CCDC178: variants seen among roughly 807,000 people sequenced by gnomAD.
CCDC178 encodes the protein coiled-coil domain-containing protein 178.
Under a neutral mutation model 117.4 loss-of-function variants are expected in CCDC178, and 126 were observed. The observed-to-expected ratio is 1.07, with a 90% CI of 0.93 to 1.24. The LOEUF is 1.24. Among genes scored for constraint, CCDC178 ranks in the 50% most tolerant of loss-of-function variants. The pLI is 0.00. For synonymous variants in CCDC178, 283 were observed against 313.4 expected (o/e 0.90, Z 1.02); for missense variants, 1,030 against 986.9 (o/e 1.04, Z -0.59).
At chr18:32,968,172 T>C (rs906930052) in intron 22 of CCDC178, among the ~76,000 whole-genome samples, 6 of 151,952 alleles carry the variant, frequency 3.9e-5, no homozygotes, top group African/African-American at 1.4e-4. Context: ...CATTCTCTGA[T>C]AATCACTGTT....
Position 33,389,591 on chromosome 18 carries a change from A to G in CCDC178, c.157T>C (p.Ser53Pro). 1 of 1,530,626 alleles carries G rather than the reference A, an allele frequency of 6.5e-7. No individual in the cohort carries two copies. Among genetic ancestry groups the G allele is most frequent in the Non-Finnish European group, 8.8e-7 (1 of 1,141,312 alleles). The allele number at this position is 1,530,626 out of a possible 1,614,324, so 94.8% of individuals were successfully genotyped here. The change falls in exon 5 of 23, where the codon TCT becomes CCT. Residue 53 changes from serine (S) to proline (P), a missense_variant. Transcript: ENST00000383096. ...MSQSLVLYGA[S>P]KENSEGFHES... ...TGAAAACCTTCACTGTTCTCCTTAG[A>G]GGCTCCATATAGAACCAAACTTTGA...
chr18:32,940,389 C>T (rs1005081107), intron 22 of CCDC178, among the ~76,000 whole-genome samples: 5 of 151,860 alleles, frequency 3.3e-5, no homozygotes, highest in Admixed American at 6.6e-5. Context: ...TATTAGATCT[C>T]ATAATATAAT....
At chr18:33,013,671 T>C (rs893366685) in intron 21 of CCDC178, among the ~76,000 whole-genome samples, 37 of 152,158 alleles carry the variant, frequency 2.4e-4, no homozygotes, top group African/African-American at 8.0e-4. Context: ...GGAAATAGAG[T>C]ATGAGCTTTG....
rs2057695170 is a variant in CCDC178 at position 33,105,619 on chromosome 18, A to G, written c.2239-12709T>C. Among the ~76,000 whole-genome samples, 3 of 151,818 alleles carry G rather than the reference A, an allele frequency of 2.0e-5. 1 individual carries two copies. In the South Asian group the frequency reaches 6.2e-4, roughly 31 times the overall value. On this transcript the variant is annotated intron_variant, in intron 20 of 22. Transcript: ENST00000383096. ...TGTGTGTGTTTTTATTCAGTGGAGA[A>G]ACATTTCACAATTCATTTTTACAAC...
chr18:33,234,713 T>C (rs1158579472), intron 15 of CCDC178, among the ~76,000 whole-genome samples: 1 of 152,102 alleles, frequency 6.6e-6, no homozygotes, highest in African/African-American at 2.4e-5. Context: ...CAAGAAGCAA[T>C]GGTCAATCTT....
chr18:33,346,621 T>G (rs993931825), intron 8 of CCDC178, among the ~76,000 whole-genome samples: 2 of 152,074 alleles, frequency 1.3e-5, no homozygotes, highest in African/African-American at 2.4e-5. Context: ...AAACATTTTA[T>G]AAAATAATTA....
At chr18:33,303,153 A>G (rs958063844) in intron 11 of CCDC178, among the ~76,000 whole-genome samples, 8 of 152,274 alleles carry the variant, frequency 5.3e-5, no homozygotes, top group African/African-American at 1.9e-4. Context: ...GTCAATCTTT[A>G]AAGTTTAAAA....
intron 20 of CCDC178, among the ~76,000 whole-genome samples, chr18:33,208,986 A>G (rs1018444782): frequency 2.0e-5 from 3 of 152,046 alleles, no homozygotes; most frequent in African/African-American, 7.2e-5. Flanking sequence ...GAAAGAACAC[A>G]CAGAGAAAGG....
chr18:33,248,889 T>C (rs974886349), intron 14 of CCDC178, among the ~76,000 whole-genome samples: 2 of 152,032 alleles, frequency 1.3e-5, no homozygotes, highest in Admixed American at 1.3e-4. Flanking sequence ...ACCAACAGTG[T>C]AAAAGTGTTC....
At position 33,121,240 on chromosome 18, in the gene CCDC178, A is replaced by C. The variant is rs111884908; in HGVS notation, c.2239-28330T>G. ...GAAACAGGGCTGAGGCTTAACAGAA[A>C]TGGGTAGCGTCAAAGGGCAAAGAGA... On this transcript the variant is annotated intron_variant, in intron 20 of 22. Transcript: ENST00000383096. Among the ~76,000 whole-genome samples the C allele has an allele frequency of 3.7e-3, 568 of 152,280 alleles. 3 individuals carry two copies. Among genetic ancestry groups the C allele is most frequent in the Non-Finnish European group, 6.4e-3 (432 of 68,018 alleles).
intron 20 of CCDC178, among the ~76,000 whole-genome samples, chr18:33,095,322 TA>T (rs1178438140): frequency 6.6e-6 from 1 of 152,024 alleles, no homozygotes; most frequent in Non-Finnish European, 1.5e-5. Flanking sequence ...GAATGTTTGT[TA>T]ATAGTTTCCA....
At chr18:33,347,012 C>T (rs1003064767) in intron 8 of CCDC178, among the ~76,000 whole-genome samples, 4 of 152,018 alleles carry the variant, frequency 2.6e-5, no homozygotes, top group Non-Finnish European at 5.9e-5. Flanking sequence ...TTAATGTTAA[C>T]AAAATTATTA....
intron 5 of CCDC178, among the ~76,000 whole-genome samples, chr18:33,378,323 C>A (rs1164918597): frequency 3.3e-5 from 5 of 152,106 alleles, no homozygotes; most frequent in African/African-American, 1.2e-4. Flanking sequence ...CTTATGAGTT[C>A]TAGAAGCCTT....
chr18:33,078,376 C>T (rs1248783615), intron 21 of CCDC178, among the ~76,000 whole-genome samples: 1 of 152,144 alleles, frequency 6.6e-6, no homozygotes, highest in South Asian at 2.1e-4. Flanking sequence ...CAGCACAAGA[C>T]AAGAGTGCTC....
intron 2 of CCDC178, among the ~76,000 whole-genome samples, chr18:33,419,906 C>T (rs2064000486): frequency 2.0e-5 from 3 of 151,510 alleles, no homozygotes; most frequent in Admixed American, 1.3e-4. Flanking sequence ...AGCAATCTTT[C>T]TTTCCTTCTT....
At chr18:32,972,630 G>A (rs1013433232) in intron 22 of CCDC178, among the ~76,000 whole-genome samples, 2 of 152,024 alleles carry the variant, frequency 1.3e-5, no homozygotes, top group Non-Finnish European at 1.5e-5. Context: ...ACAGGGAAGA[G>A]TATAAACACA....
chr18:33,222,932 A>C (rs1206524126), intron 18 of CCDC178, among the ~76,000 whole-genome samples, 174 bp downstream of exon 18: 3 of 152,086 alleles, frequency 2.0e-5, no homozygotes, highest in African/African-American at 7.2e-5. Flanking sequence ...AGAGAAAGTA[A>C]ATGAAAACAC....
At chr18:33,160,607 A>C (rs1005560947) in intron 20 of CCDC178, among the ~76,000 whole-genome samples, 1 of 152,104 alleles carries the variant, frequency 6.6e-6, no homozygotes, top group Non-Finnish European at 1.5e-5. Context: ...TCCATCAAGA[A>C]AGCAGGGTGC....
chr18:33,255,692 A>C lies in CCDC178; in HGVS notation c.1410-10264T>G, dbSNP rs114627192. Reference sequence around the variant, plus strand: ...GTAGAGCTAGAGAATGTCAAGTGAGATTAAAGAGTCAAAAAATGTACAGTA... The same window carrying C: ...GTAGAGCTAGAGAATGTCAAGTGAGCTTAAAGAGTCAAAAAATGTACAGTA... On this transcript the variant is annotated intron_variant, in intron 14 of 22. Coordinates refer to ENST00000383096, the MANE Select transcript of CCDC178 (RefSeq NM_001105528.4). 2.5e-3 allele frequency among the ~76,000 whole-genome samples: 384 copies of C among 152,076 alleles called. 3 individuals are homozygous for C. Among genetic ancestry groups the C allele is most frequent in the African/African-American group, 8.6e-3 (358 of 41,508 alleles).
Sources: gnomAD v4.1 joint callset for allele counts (sites outside exome capture counted in the v4.1 genomes callset) on GRCh38, gnomAD v4.1.1 for gene constraint, MANE v1.5 for transcripts, NCBI Gene and HGNC (gene_info 2026-07-23, HGNC 2026-07-21) for gene names.